The following NECTIN3 variants were observed in gnomAD, a reference collection of about 807,000 sequenced individuals.
NECTIN3 encodes the protein nectin-3.
Under a neutral mutation model 49.4 loss-of-function variants are expected in NECTIN3, and 8 were observed. That is an observed-to-expected ratio of 0.16 (90% CI 0.10 to 0.29). The LOEUF (loss-of-function observed/expected upper bound fraction) is 0.29, where lower values mean the gene tolerates loss of function less well. Among genes scored for constraint, NECTIN3 ranks in the 10% least tolerant of loss-of-function variants. The pLI, the probability that NECTIN3 is intolerant of heterozygous loss-of-function variation, is 1.00. For missense variants in NECTIN3, 581 were observed against 654.6 expected, an observed-to-expected ratio of 0.89 and a Z score of 1.23; for synonymous variants, 277 against 241.1, an observed-to-expected ratio of 1.15 and a Z score of -1.38.
intron 7 of NECTIN3, among the ~76,000 whole-genome samples, chr3:111,168,085 A>G (rs2035355564): frequency 6.6e-6 from 1 of 152,160 alleles, no homozygotes; most frequent in African/African-American, 2.4e-5. Context: ...CAGTGCTTGA[A>G]AAGTTTAGAA....
intron 7 of NECTIN3, among the ~76,000 whole-genome samples, chr3:111,181,117 C>T (rs767036137): frequency 6.6e-6 from 1 of 152,166 alleles, no homozygotes; most frequent in Non-Finnish European, 1.5e-5. Flanking sequence ...ACCACTACCA[C>T]CACCATCATC....
intron 6 of NECTIN3, among the ~76,000 whole-genome samples, chr3:111,146,391 G>A (rs1314558889): frequency 2.1e-5 from 3 of 141,694 alleles, no homozygotes; most frequent in Non-Finnish European, 4.5e-5. Flanking sequence ...CGGAGATCCC[G>A]CCACTGCACT....
At chr3:111,193,362 C>G in intron 1 of NECTIN3, 1 of 1,534,612 alleles carries the variant, frequency 6.5e-7, no homozygotes, top group East Asian at 2.4e-5. Context: ...CATCGACCCA[C>G]GAGAACATTA....
At chr3:111,089,865 G>A (rs1049764557) in intron 1 of NECTIN3, among the ~76,000 whole-genome samples, 5 of 151,918 alleles carry the variant, frequency 3.3e-5, no homozygotes, top group African/African-American at 7.3e-5. Context: ...AAAATTGTAT[G>A]CCATGATGTA....
chr3:111,188,233 T>G (rs905607160), upstream of NECTIN3, among the ~76,000 whole-genome samples: 2 of 152,218 alleles, frequency 1.3e-5, no homozygotes, highest in Non-Finnish European at 2.9e-5. Context: ...CACAAAATCT[T>G]GTCAGAGTTT....
At chr3:111,127,701 C>T (rs1281240643) in intron 5 of NECTIN3, among the ~76,000 whole-genome samples, 2 of 151,926 alleles carry the variant, frequency 1.3e-5, no homozygotes, top group Non-Finnish European at 2.9e-5. Context: ...GTAGCTGAGA[C>T]TACAGGTATG....
intron 5 of NECTIN3, among the ~76,000 whole-genome samples, chr3:111,127,395 C>T (rs1415744164): frequency 3.3e-5 from 5 of 150,878 alleles, no homozygotes; most frequent in Non-Finnish European, 7.4e-5. Flanking sequence ...GCAATTTGTG[C>T]TTGCTTTATT....
At chr3:111,175,136 A>G (rs2035504208) in intron 7 of NECTIN3, among the ~76,000 whole-genome samples, 1 of 151,630 alleles carries the variant, frequency 6.6e-6, no homozygotes, top group South Asian at 2.1e-4. Context: ...CAGTGTTCAA[A>G]TGTTGCTCCT....
chr3:111,090,699 A>C (rs1489329503), intron 1 of NECTIN3, among the ~76,000 whole-genome samples: 1 of 46,792 alleles, frequency 2.1e-5, no homozygotes, highest in Non-Finnish European at 1.2e-4. Context: ...GGCATCTTAA[A>C]GTTTTCCATC....
chr3:111,153,431 A>T (rs1488059033), intron 7 of NECTIN3, among the ~76,000 whole-genome samples: 1 of 152,060 alleles, frequency 6.6e-6, no homozygotes, highest in Non-Finnish European at 1.5e-5. Flanking sequence ...TGTGAAGTAT[A>T]AAAGTTTGAT....
intron 1 of NECTIN3, among the ~76,000 whole-genome samples, chr3:111,108,541 T>C (rs1292053042): frequency 6.6e-6 from 1 of 152,134 alleles, no homozygotes; most frequent in African/African-American, 2.4e-5. Context: ...GGGTGTGTAT[T>C]ATAGTCCATT....
Position 111,136,729 on chromosome 3 carries a change from A to G in NECTIN3, c.*2514A>G. Reference sequence around the variant, plus strand: ...GGCCATATTTATATTTATTTCTTTCATATGGTTTGAACTGTTTTAGCATTT... The same window carrying G: ...GGCCATATTTATATTTATTTCTTTCGTATGGTTTGAACTGTTTTAGCATTT... On this transcript the variant is annotated 3_prime_UTR_variant, in exon 6 of 6. Coordinates refer to ENST00000485303, the MANE Select transcript of NECTIN3 (RefSeq NM_015480.3). 1.1e-6 allele frequency: 1 copy of G among 919,716 alleles called. No individual in the cohort carries two copies. The highest frequency in any genetic ancestry group is 1.3e-6 in the Non-Finnish European group (1 of 770,534). The allele number at this position is 919,716 out of a possible 1,614,324, so 57.0% of individuals were successfully genotyped here. A position where few individuals can be genotyped will look rare whatever the true frequency, so the allele number is the denominator to read the frequency against.
chr3:111,164,866 G>A (rs950588424), intron 7 of NECTIN3, among the ~76,000 whole-genome samples: 6 of 152,054 alleles, frequency 3.9e-5, no homozygotes, highest in African/African-American at 1.4e-4. Flanking sequence ...TAACTTTTTT[G>A]AGGACACAGT....
chr3:111,144,846 T>C, intron 5 of NECTIN3: 1 of 1,488,822 alleles, frequency 6.7e-7, no homozygotes, highest in Non-Finnish European at 9.0e-7. Flanking sequence ...GTATGCAATT[T>C]CAAGAATTAT....
At chr3:111,150,258 TATC>T (rs890494284) in intron 7 of NECTIN3, among the ~76,000 whole-genome samples, 21 of 152,024 alleles carry the variant, frequency 1.4e-4, no homozygotes, top group Admixed American at 5.2e-4. Context: ...AGTGCTGACA[TATC>T]ATGTTAATAA....
chr3:111,087,156 A>G (rs1306071864), intron 1 of NECTIN3, among the ~76,000 whole-genome samples: 2 of 152,144 alleles, frequency 1.3e-5, no homozygotes, highest in African/African-American at 2.4e-5. Context: ...TTCCATCTAT[A>G]TAAGCATGCC....
intron 3 of NECTIN3, 69 bp downstream of exon 3, chr3:111,119,021 A>G: frequency 4.7e-6 from 6 of 1,281,636 alleles, no homozygotes; most frequent in East Asian, 2.4e-5. Context: ...TTTAGTTTGA[A>G]TATTTAATAG....
intron 5 of NECTIN3, among the ~76,000 whole-genome samples, chr3:111,128,796 C>T (rs1254117659): frequency 1.3e-5 from 2 of 152,160 alleles, no homozygotes; most frequent in Admixed American, 1.3e-4. Context: ...CCATAAGCCA[C>T]TCTTATTTCA....
At chr3:111,104,911 G>T (rs1048678265) in intron 1 of NECTIN3, among the ~76,000 whole-genome samples, 1 of 152,030 alleles carries the variant, frequency 6.6e-6, no homozygotes, top group Non-Finnish European at 1.5e-5. Context: ...ATAAAGATGG[G>T]AATTTGATTG....
Sources: gnomAD v4.1 joint callset for allele counts (sites outside exome capture counted in the v4.1 genomes callset) on GRCh38, gnomAD v4.1.1 for gene constraint, MANE v1.5 for transcripts, NCBI Gene and HGNC (gene_info 2026-07-23, HGNC 2026-07-21) for gene names.